Variants in KDM4A observed in about 807,000 individuals in gnomAD.
KDM4A encodes the protein lysine demethylase 4A.
Under a neutral mutation model 127.1 loss-of-function variants are expected in KDM4A, and 23 were observed. The ratio of observed to expected loss-of-function variants is 0.18; its 90% CI spans 0.13 to 0.26. The LOEUF is 0.26. KDM4A is among the 10% of genes least tolerant of loss of function. The probability of loss-of-function intolerance (pLI) is 1.00; values close to 1 mark genes in which losing one functional copy is unlikely to be tolerated. For synonymous variants in KDM4A, 443 were observed against 466.5 expected, an observed-to-expected ratio of 0.95 and a Z score of 0.65; for missense variants, 890 against 1,329.1, an observed-to-expected ratio of 0.67 and a Z score of 5.14.
chr1:43,665,608 A>G, intron 5 of KDM4A, 88 bp from the exon 6 acceptor site: 1 of 1,245,192 alleles, frequency 8.0e-7, no homozygotes, highest in South Asian at 1.3e-5. Context: ...AAAATCTGCT[A>G]TTTCAAGGTG....
At chr1:43,698,101 T>G (rs947926331) in intron 19 of KDM4A, 88 bp downstream of exon 19, 9 of 1,291,850 alleles carry the variant, frequency 7.0e-6, no homozygotes, top group African/African-American at 4.4e-5. Flanking sequence ...TATGCCTGCT[T>G]CTTCTAGCCA....
chr1:43,671,841 C>T lies in KDM4A; in HGVS notation c.1700C>T (p.Ala567Val), dbSNP rs1238507723. The T allele has an allele frequency of 6.3e-7, 1 of 1,583,000 alleles. No individual in the cohort carries two copies. Among genetic ancestry groups the T allele is most frequent in the African/African-American group, 1.4e-5 (1 of 73,546 alleles). Reference protein sequence around the residue: ...GEPCTRKKGSAARSFSERELA... With the variant: ...GEPCTRKKGSVARSFSERELA... The stretch of plus-strand genomic sequence containing the variant: ...CCATGCACGAGGAAGAAAGGAAGCG[C>T]CGCTAGAAGTTTCAGTGAGCGGGAG... The change falls in exon 11 of 22, where the codon GCC (alanine) becomes GTC (valine). Residue 567 changes from alanine (A) to valine (V), a missense_variant. Around this residue, in one of 7 missense-constraint regions of KDM4A, gnomAD observed 389 missense variants for 485.9 expected, o/e 0.80. Coordinates refer to ENST00000372396, the MANE Select transcript of KDM4A (RefSeq NM_014663.3).
At chr1:43,652,726 G>C (rs1570805716) in intron 1 of KDM4A, among the ~76,000 whole-genome samples, 1 of 139,628 alleles carries the variant, frequency 7.2e-6, no homozygotes, top group East Asian at 2.1e-4. Context: ...TTGTTGCCCA[G>C]TCTGGAGTGC....
In KDM4A at chr1:43,694,695, C is replaced by T. The variant is rs1439029771; in HGVS notation, c.2485-14C>T. The T allele has an allele frequency of 1.3e-6, 2 of 1,592,916 alleles. No homozygotes were observed. The highest frequency in any genetic ancestry group is 2.7e-5 in the African/African-American group (2 of 74,542). The stretch of plus-strand genomic sequence containing the variant: ...AGTTCCTGCAATCACTGGTTTTCTT[C>T]CCCTGTGCTACAGAAATGTATCTTC... On this transcript the variant is annotated splice_polypyrimidine_tract_variant and intron_variant, in intron 17 of 21. Coordinates refer to ENST00000372396, the MANE Select transcript of KDM4A (RefSeq NM_014663.3). The surrounding 1 kb of genome is among the most constrained non-coding windows in gnomAD (Gnocchi z 5.2).
intron 11 of KDM4A, among the ~76,000 whole-genome samples, chr1:43,676,126 A>T (rs1660736486): frequency 6.7e-6 from 1 of 150,168 alleles, no homozygotes; most frequent in South Asian, 2.1e-4. Flanking sequence ...AAATGCACAC[A>T]CAAAGATTCA....
At chr1:43,666,579 G>A (rs761924020) in intron 7 of KDM4A, 24 bp downstream of exon 7, 38 of 1,578,670 alleles carry the variant, frequency 2.4e-5, no homozygotes, top group Non-Finnish European at 3.0e-5. Flanking sequence ...ACATGCCAAA[G>A]TTCTCAGGCA....
chr1:43,665,741 C>G lies in KDM4A; in HGVS notation c.669C>G (p.Ala223=). ...PEHGKRLERL[A]KGFFPGSAQS... ...ATGGAAAGCGGTTGGAACGCCTCGC[C>G]AAAGGTACTGTGTCTCTTCTGTTTG... The change falls in exon 6 of 22, where the codon GCC becomes GCG. Residue 223 remains alanine, a synonymous_variant. Transcript: ENST00000372396. 6.2e-7 allele frequency: 1 copy of G among 1,614,022 alleles called. No homozygotes were observed. Among genetic ancestry groups the G allele is most frequent in the Non-Finnish European group, 8.5e-7 (1 of 1,179,952 alleles).
chr1:43,665,565 A>T (rs934462978), intron 5 of KDM4A, 131 bp from the exon 6 acceptor site: 8 of 725,050 alleles, frequency 1.1e-5, no homozygotes, highest in Middle Eastern at 2.5e-4. Flanking sequence ...TCATTTTTTC[A>T]GATTCCTTTC....
intron 4 of KDM4A, among the ~76,000 whole-genome samples, chr1:43,661,624 A>G (rs987906335): frequency 6.8e-6 from 1 of 147,520 alleles, no homozygotes; most frequent in African/African-American, 2.5e-5. Context: ...AAAAAAAAAA[A>G]AAAAAAAAAA....
chr1:43,660,527 G>C (rs1660348556), intron 4 of KDM4A, 115 bp downstream of exon 4: 1 of 1,413,780 alleles, frequency 7.1e-7, no homozygotes, highest in Non-Finnish European at 9.5e-7. Flanking sequence ...TGGATGAACA[G>C]ATGATCTACC....
At position 43,660,424 on chromosome 1, in the gene KDM4A, T is replaced by G; in HGVS notation, c.429+12T>G. 1 of 1,588,044 alleles carries G rather than the reference T, an allele frequency of 6.3e-7. No individual in the cohort carries two copies. Among genetic ancestry groups the G allele is most frequent in the Non-Finnish European group, 8.6e-7 (1 of 1,165,412 alleles). ...CCCTCTATGAAAAGGTGAGGCTCAC[T>G]GGAAACCCTCTGTGCAGTGTTTTTG... On this transcript the variant is annotated intron_variant, in intron 4 of 21. Coordinates refer to ENST00000372396, the MANE Select transcript of KDM4A (RefSeq NM_014663.3).
chr1:43,658,135 A>G (rs527587829), intron 3 of KDM4A, among the ~76,000 whole-genome samples: 11 of 150,646 alleles, frequency 7.3e-5, no homozygotes, highest in South Asian at 2.1e-4. Flanking sequence ...CAGTGGCACA[A>G]TCTCACTCAC....
At chr1:43,670,886 G>A (rs986555170) in intron 10 of KDM4A, among the ~76,000 whole-genome samples, 1 of 151,972 alleles carries the variant, frequency 6.6e-6, no homozygotes, top group Non-Finnish European at 1.5e-5. Flanking sequence ...TTTAAATTCT[G>A]TAGAGACAGA....
chr1:43,655,041 G>C (rs1660208148), intron 2 of KDM4A, among the ~76,000 whole-genome samples: 1 of 152,026 alleles, frequency 6.6e-6, no homozygotes, highest in Admixed American at 6.6e-5. Context: ...AGTAGAGATG[G>C]GGTTTCACCA....
At chr1:43,703,581 C>A (rs371670230) in intron 19 of KDM4A, 36 bp from the exon 20 acceptor site, 2 of 1,611,174 alleles carry the variant, frequency 1.2e-6, no homozygotes, top group Non-Finnish European at 1.7e-6. Context: ...TGCAGGTGGA[C>A]GTTCCTTTCA....
intron 1 of KDM4A, among the ~76,000 whole-genome samples, chr1:43,651,556 T>C (rs868516958): frequency 4.6e-5 from 7 of 152,282 alleles, no homozygotes; most frequent in Middle Eastern, 3.4e-3. Context: ...TTCTGGTGGA[T>C]TGGAGGCGCT....
Position 43,701,399 on chromosome 1 carries a change from G to A in KDM4A, c.2842-2218G>A, listed in dbSNP as rs201570454. 9.2e-5 allele frequency among the ~76,000 whole-genome samples: 14 copies of A among 152,268 alleles called. No homozygotes were observed. The East Asian group carries it at 1.9e-3, about 21-fold the overall frequency. The stretch of plus-strand genomic sequence containing the variant: ...TTTTGTTTTCCTTGACATGACAGGC[G>A]TTCACTTCATGCATTTTCAAGAAGA... On this transcript the variant is annotated intron_variant, in intron 19 of 21. Transcript: ENST00000372396.
At position 43,666,453 on chromosome 1, in the gene KDM4A, C is replaced by T; in HGVS notation, c.675C>T (p.Gly225=). The change falls in exon 7 of 22, where the codon GGC becomes GGT. Residue 225 remains glycine (G), a splice_region_variant and synonymous_variant. Coordinates refer to ENST00000372396, the MANE Select transcript of KDM4A (RefSeq NM_014663.3). ...HGKRLERLAK[G]FFPGSAQSCE... ...ACCTGTACCCTTTCAATTAAATAGG[C>T]TTTTTCCCAGGAAGTGCTCAAAGCT... The T allele has an allele frequency of 6.2e-7, 1 of 1,613,834 alleles. No homozygotes were observed. Among genetic ancestry groups the T allele is most frequent in the Non-Finnish European group, 8.5e-7 (1 of 1,179,722 alleles).
At chr1:43,703,257 CTTATAGTTGAG>C (rs1661451704) in intron 19 of KDM4A, 1 of 173,420 alleles carries the variant, frequency 5.8e-6, no homozygotes, top group Non-Finnish European at 1.2e-5. Flanking sequence ...AAACACATGT[CTTATAGTTGAG>C]TATGGTTCTA....
Sources: allele counts gnomAD v4.1 joint callset (sites outside exome capture counted in the v4.1 genomes callset), GRCh38; gene constraint gnomAD v4.1.1; regional missense constraint gnomAD v4.1.1; non-coding constraint Gnocchi (gnomAD v3.1); transcripts MANE v1.5; gene names NCBI Gene and HGNC (gene_info 2026-07-23, HGNC 2026-07-21).